ZNF892: variants seen among roughly 807,000 people sequenced by gnomAD.
ZNF892 encodes the protein zinc finger protein 892.
the ZNF892 span, among the ~76,000 whole-genome samples, chr2:95,211,412 A>G: frequency 1.3e-5 from 2 of 152,210 alleles, no homozygotes; most frequent in South Asian, 2.1e-4. Flanking sequence ...GGTAATATGC[A>G]TTTCTGCTGC....
the ZNF892 span, among the ~76,000 whole-genome samples, chr2:95,249,091 T>C: frequency 1.3e-5 from 2 of 151,516 alleles, no homozygotes; most frequent in African/African-American, 4.8e-5. Flanking sequence ...TGCAGACTTT[T>C]AATATAAAAA....
At chr2:95,250,966 T>A in the ZNF892 span, among the ~76,000 whole-genome samples, 1 of 148,558 alleles carries the variant, frequency 6.7e-6, no homozygotes. Flanking sequence ...TGTAAATAAA[T>A]GCTTATATAA....
the ZNF892 span, chr2:95,207,649 C>G: frequency 2.5e-6 from 1 of 395,158 alleles, no homozygotes. Context: ...GAACGCATCC[C>G]CTTTTAATCT....
the ZNF892 span, among the ~76,000 whole-genome samples, chr2:95,210,328 C>G: frequency 3.3e-5 from 5 of 151,712 alleles, no homozygotes; most frequent in Non-Finnish European, 7.4e-5. Context: ...AAAACTGATT[C>G]ATTTGCTAAC....
chr2:95,207,735 C>T, the ZNF892 span: 5 of 398,288 alleles, frequency 1.3e-5, no homozygotes, highest in Non-Finnish European at 1.8e-5. Flanking sequence ...TTCCCGGCCT[C>T]TTGGGGGACC....
At chr2:95,261,877 G>A in the ZNF892 span, among the ~76,000 whole-genome samples, 1 of 152,198 alleles carries the variant, frequency 6.6e-6, no homozygotes, top group Admixed American at 6.5e-5. Flanking sequence ...CAGGGCCAAG[G>A]CTGGTAGGAA....
At chr2:95,211,786 A>G in the ZNF892 span, 1 of 398,180 alleles carries the variant, frequency 2.5e-6, no homozygotes, top group Non-Finnish European at 4.4e-6. Context: ...CTCAGTTCCT[A>G]GGAGCTCCAA....
At chr2:95,242,306 C>G in the ZNF892 span, among the ~76,000 whole-genome samples, 1 of 152,218 alleles carries the variant, frequency 6.6e-6, no homozygotes, top group South Asian at 2.1e-4. Flanking sequence ...CAGCAGAAAC[C>G]TTACTGGCCA....
the ZNF892 span, chr2:95,215,418 A>G: frequency 2.3e-6 from 1 of 438,252 alleles, no homozygotes; most frequent in Admixed American, 3.9e-5. Context: ...ATCTCTTACA[A>G]AGCATCAGAA....
chr2:95,211,228 A>G, the ZNF892 span, among the ~76,000 whole-genome samples: 2 of 152,232 alleles, frequency 1.3e-5, no homozygotes, highest in Non-Finnish European at 2.9e-5. Flanking sequence ...CTTGAACCCC[A>G]TATGTTTTAA....
At chr2:95,221,926 C>G in the ZNF892 span, among the ~76,000 whole-genome samples, 1 of 152,094 alleles carries the variant, frequency 6.6e-6, no homozygotes, top group Non-Finnish European at 1.5e-5. Flanking sequence ...CTCCTCCTCC[C>G]TCCCTCTCTC....
chr2:95,255,056 G>A, the ZNF892 span, among the ~76,000 whole-genome samples: 1 of 152,012 alleles, frequency 6.6e-6, no homozygotes, highest in African/African-American at 2.4e-5. Flanking sequence ...TTTTTTGAAG[G>A]GTTTTTTGTG....
At chr2:95,215,774 A>T in the ZNF892 span, among the ~76,000 whole-genome samples, 36 of 152,194 alleles carry the variant, frequency 2.4e-4, no homozygotes, top group Admixed American at 8.5e-4. Flanking sequence ...TACATTTTTA[A>T]AAGTGTTCTG....
At chr2:95,210,223 A>G in the ZNF892 span, among the ~76,000 whole-genome samples, 3 of 148,994 alleles carry the variant, frequency 2.0e-5, no homozygotes, top group African/African-American at 7.4e-5. Context: ...ATATATGTAT[A>G]TATATGTGTA....
the ZNF892 span, among the ~76,000 whole-genome samples, chr2:95,243,618 C>T: frequency 1.6e-4 from 25 of 151,826 alleles, 2 homozygotes; most frequent in East Asian, 1.8e-3. Context: ...GCCCAGCAGC[C>T]GCCCCGTCTG....
the ZNF892 span, among the ~76,000 whole-genome samples, chr2:95,236,103 A>C: frequency 2.0e-5 from 3 of 152,190 alleles, no homozygotes; most frequent in African/African-American, 7.2e-5. Context: ...GATTCCACGA[A>C]GTCACCTCTA....
chr2:95,237,872 C>T, the ZNF892 span, among the ~76,000 whole-genome samples: 9 of 152,242 alleles, frequency 5.9e-5, 1 homozygote, highest in South Asian at 8.3e-4. Context: ...TCCTTTAAGC[C>T]GAAGCCTAAT....
At chr2:95,226,543 G>A in the ZNF892 span, among the ~76,000 whole-genome samples, 5 of 152,172 alleles carry the variant, frequency 3.3e-5, no homozygotes, top group Admixed American at 2.6e-4. Flanking sequence ...GTGAGCTTAC[G>A]TTTTACTGGC....
chr2:95,208,065 T>C, the ZNF892 span, among the ~76,000 whole-genome samples: 2 of 152,180 alleles, frequency 1.3e-5, no homozygotes, highest in East Asian at 3.8e-4. Context: ...ATCTGACAAT[T>C]TGGCTTTTGA....
Sources: allele counts gnomAD v4.1 joint callset (sites outside exome capture counted in the v4.1 genomes callset), GRCh38; gene constraint gnomAD v4.1.1; transcripts MANE v1.5; gene names NCBI Gene and HGNC (gene_info 2026-07-23, HGNC 2026-07-21).